Variants in DARS2 observed in about 807,000 individuals in gnomAD.
The protein encoded by DARS2 is aspartyl-tRNA synthetase 2, mitochondrial, also known as aspartate--tRNA ligase, mitochondrial.
Under a neutral mutation model 83.0 loss-of-function variants are expected in DARS2, and 63 were observed. That is an observed-to-expected ratio of 0.76 (90% CI 0.62 to 0.94). The LOEUF is 0.94. Among genes scored for constraint, DARS2 ranks in the 40% least tolerant of loss-of-function variants. DARS2 has a pLI of 0.00. For synonymous variants in DARS2, 250 were observed against 269.3 expected (o/e 0.93, Z 0.70); for missense variants, 675 against 774.4 (o/e 0.87, Z 1.52).
In DARS2 at chr1:173,830,055, G is replaced by C. The variant is rs925859109; in HGVS notation, c.295-605G>C. On this transcript the variant is annotated intron_variant, in intron 3 of 16. Transcript: ENST00000649689. ...CAAAATTGCACCACTGCACTCCAGA[G>C]TGCACACCAGAGTGATACCCTGTGT... Among the ~76,000 whole-genome samples, 12 of 151,550 alleles carry C rather than the reference G, an allele frequency of 7.9e-5. No individual in the cohort carries two copies. The East Asian group carries it at 2.3e-3, about 29-fold the overall frequency.
chr1:173,850,146 C>T lies in DARS2; in HGVS notation c.1192-181C>T, dbSNP rs185051019. Among the ~76,000 whole-genome samples, 401 of 152,008 alleles carry T rather than the reference C, an allele frequency of 2.6e-3. 2 individuals are homozygous for T. The highest frequency in any genetic ancestry group is 8.0e-3 in the African/African-American group (331 of 41,478). ...GGATTACAGGTATAAGCCACCGTGC[C>T]AAGCCTACTTTATAAAATTCCCTTA... On this transcript the variant is annotated intron_variant, in intron 12 of 16. Coordinates refer to ENST00000649689, the MANE Select transcript of DARS2 (RefSeq NM_018122.5).
chr1:173,853,371 G>T lies in DARS2; in HGVS notation c.1367G>T (p.Arg456Leu). The change falls in exon 14 of 17, where the codon CGA becomes CTA. Residue 456 changes from arginine (R) to leucine (L), a missense_variant. Coordinates refer to ENST00000649689, the MANE Select transcript of DARS2 (RefSeq NM_018122.5). ...NKACSLLGKL[R>L]LECADLLETR... ...CAGTGCTCTTTGTTAGGAAAATTAC[G>T]ACTGGAATGTGCTGACCTTCTAGAA... 3 of 1,613,738 alleles carry T rather than the reference G, an allele frequency of 1.9e-6. No homozygotes were observed. The highest frequency in any genetic ancestry group is 2.5e-6 in the Non-Finnish European group (3 of 1,179,998).
Position 173,853,905 on chromosome 1 carries a change from G to A in DARS2, c.1674G>A (p.Lys558=). 2 of 1,610,438 alleles carry A rather than the reference G, an allele frequency of 1.2e-6. No homozygotes were observed. The highest frequency in any genetic ancestry group is 2.2e-5 in the South Asian group (2 of 90,992). ...GTTATATCCTGGCAACCTTACTAAA[G>A]GTAACAAACATCATCTGCTATCCTG... ...LQRYILATLL[K]EDVKMLSHLL... Residue 558 remains lysine, a splice_region_variant and synonymous_variant, in exon 15 of 17, where the codon AAG becomes AAA. Coordinates refer to ENST00000649689, the MANE Select transcript of DARS2 (RefSeq NM_018122.5).
chr1:173,830,882 G>A, intron 4 of DARS2, 121 bp downstream of exon 4: 1 of 758,874 alleles, frequency 1.3e-6, no homozygotes, highest in Non-Finnish European at 2.3e-6. Flanking sequence ...TTCTACAAAT[G>A]AACTGACAGA....
chr1:173,826,639 A>G, intron 1 of DARS2, 48 bp from the exon 2 acceptor site: 2 of 1,424,796 alleles, frequency 1.4e-6, no homozygotes, highest in East Asian at 2.3e-5. Flanking sequence ...CAAGTGATGT[A>G]TTTTTAATCT....
rs1398266729 is a variant in DARS2 at position 173,833,465 on chromosome 1, C to T, written c.582C>T (p.Val194=). The part of the protein sequence containing the change: ...QYNLRLRSQM[V]MKMREYLCNL... ...ACCTGCGACTGAGGTCCCAGATGGT[C>T]ATGAAAATGCGGGAATATCTCTGTA... Residue 194 remains valine, a synonymous_variant, in exon 6 of 17, where the codon GTC becomes GTT. Transcript: ENST00000649689. 1 of 1,614,126 alleles carries T rather than the reference C, an allele frequency of 6.2e-7. No individual in the cohort carries two copies. Among genetic ancestry groups the T allele is most frequent in the Non-Finnish European group, 8.5e-7 (1 of 1,180,016 alleles).
chr1:173,837,140 A>G, intron 8 of DARS2, 94 bp downstream of exon 8: 1 of 1,135,816 alleles, frequency 8.8e-7, no homozygotes. Flanking sequence ...TCTCAAGAGA[A>G]GGATAGAAAA....
intron 11 of DARS2, among the ~76,000 whole-genome samples, chr1:173,841,891 CT>C (rs1197608818): frequency 6.6e-6 from 1 of 152,192 alleles, no homozygotes. Context: ...AGTATTCTGT[CT>C]GCAGCCTCAG....
intron 15 of DARS2, among the ~76,000 whole-genome samples, chr1:173,856,052 C>A (rs1234160493): frequency 6.6e-6 from 1 of 152,170 alleles, no homozygotes; most frequent in Non-Finnish European, 1.5e-5. Context: ...TTAAAAAAAA[C>A]ACTGGTGCCT....
At chr1:173,829,600 C>T (rs114672592) in intron 3 of DARS2, among the ~76,000 whole-genome samples, 15,310 of 151,634 alleles carry the variant, frequency 0.1, 1,030 homozygotes, top group East Asian at 0.23. Flanking sequence ...ACAGTGAAAC[C>T]TCGTCTCTAC....
At chr1:173,850,298 ACG>A (rs1653603918) in intron 12 of DARS2, 27 bp from the exon 13 acceptor site, 2 of 1,574,750 alleles carry the variant, frequency 1.3e-6, no homozygotes, top group Non-Finnish European at 8.6e-7. Context: ...AAAAAAAAAA[ACG>A]TGAATAAGTC....
intron 7 of DARS2, among the ~76,000 whole-genome samples, chr1:173,836,395 C>CG (rs1557857162): frequency 6.6e-6 from 1 of 150,992 alleles, no homozygotes; most frequent in Non-Finnish European, 1.5e-5. Context: ...CAAAAATTAG[C>CG]GGGGCATGGT....
At chr1:173,848,803 G>C (rs903697263) in intron 12 of DARS2, among the ~76,000 whole-genome samples, 3 of 152,160 alleles carry the variant, frequency 2.0e-5, no homozygotes, top group Admixed American at 6.5e-5. Context: ...CTTTCAATAC[G>C]AAGGTTTATG....
intron 13 of DARS2, 126 bp downstream of exon 13, chr1:173,850,605 C>T (rs1571996049): frequency 2.2e-4 from 155 of 689,394 alleles, no homozygotes; most frequent in Middle Eastern, 4.5e-4. Context: ...CTGCATAAAT[C>T]TTTTTTTTTT....
intron 3 of DARS2, 53 bp downstream of exon 3, chr1:173,828,452 G>C: frequency 6.6e-7 from 1 of 1,506,002 alleles, no homozygotes; most frequent in East Asian, 2.3e-5. Context: ...GCTATTGCTG[G>C]GGTAAGCTAA....
Position 173,833,470 on chromosome 1 carries a change from A to G in DARS2, c.587A>G (p.Lys196Arg), listed in dbSNP as rs35515638. The G allele has an allele frequency of 4.5e-3, 7,335 of 1,614,146 alleles. 315 individuals carry two copies. The African/African-American group carries it at 0.088, about 19-fold the overall frequency. The change falls in exon 6 of 17, where the codon AAA (lysine) becomes AGA (arginine). Residue 196 changes from lysine (K) to arginine (R), a missense_variant. Lys to Arg is a conservative substitution (Grantham distance 26, BLOSUM62 2). Coordinates refer to ENST00000649689, the MANE Select transcript of DARS2 (RefSeq NM_018122.5). ...CGACTGAGGTCCCAGATGGTCATGA[A>G]AATGCGGGAATATCTCTGTAATCTG... ...NLRLRSQMVM[K>R]MREYLCNLHG...
intron 11 of DARS2, among the ~76,000 whole-genome samples, chr1:173,841,817 A>C (rs916016591): frequency 2.6e-5 from 4 of 152,196 alleles, no homozygotes; most frequent in African/African-American, 9.6e-5. Context: ...ATACATAAAT[A>C]AATGATGCTA....
intron 6 of DARS2, among the ~76,000 whole-genome samples, chr1:173,834,038 A>G (rs1652889872): frequency 6.6e-6 from 1 of 152,202 alleles, no homozygotes. Flanking sequence ...CTGGGATTAC[A>G]GGCATGAACC....
At position 173,837,876 on chromosome 1, in the gene DARS2, T is replaced by A. The variant is rs185592636; in HGVS notation, c.771-314T>A. 1.6e-4 allele frequency among the ~76,000 whole-genome samples: 25 copies of A among 151,708 alleles called. No individual in the cohort carries two copies. The East Asian group carries it at 4.6e-3, about 28-fold the overall frequency. On this transcript the variant is annotated intron_variant, in intron 8 of 16. Coordinates refer to ENST00000649689, the MANE Select transcript of DARS2 (RefSeq NM_018122.5). ...GCAACCTCCGCCTCCCTGGTTGAAG[T>A]GATTCTCCTGCCCTTGCCTCCCGAG...
Sources: gnomAD v4.1 joint callset for allele counts (sites outside exome capture counted in the v4.1 genomes callset) on GRCh38, gnomAD v4.1.1 for gene constraint, MANE v1.5 for transcripts, NCBI Gene and HGNC (gene_info 2026-07-23, HGNC 2026-07-21) for gene names.